Variants in RAD54B observed in about 807,000 individuals in gnomAD.
RAD54B encodes DNA repair and recombination protein RAD54B.
RAD54B carries 78 observed loss-of-function variants against 95.8 expected under a neutral mutation model. That is an observed-to-expected ratio of 0.81 (90% confidence interval 0.68 to 0.98). The LOEUF (loss-of-function observed/expected upper bound fraction) is 0.98. RAD54B is among the 50% of genes least tolerant of loss of function. RAD54B has a pLI of 0.00. For missense variants in RAD54B, 957 were observed against 1,056.6 expected (o/e 0.91, Z 1.31); for synonymous variants, 328 against 354.9 (o/e 0.92, Z 0.85).
chr8:94,416,695 C>T (rs1387669138), intron 3 of RAD54B, among the ~76,000 whole-genome samples: 1 of 152,082 alleles, frequency 6.6e-6, no homozygotes, highest in Non-Finnish European at 1.5e-5. Context: ...CACTTCACAA[C>T]CATTAGGATG....
At chr8:94,396,208 C>T (rs1811140473) in intron 8 of RAD54B, among the ~76,000 whole-genome samples, 1 of 151,654 alleles carries the variant, frequency 6.6e-6, no homozygotes, top group African/African-American at 2.4e-5. Context: ...TTTAGATCCC[C>T]ATTTGCTATT....
chr8:94,407,225 C>T (rs1811412014), intron 5 of RAD54B, among the ~76,000 whole-genome samples: 1 of 152,028 alleles, frequency 6.6e-6, no homozygotes, highest in Non-Finnish European at 1.5e-5. Flanking sequence ...ATTTTTATTA[C>T]TGTATTCTTA....
intron 10 of RAD54B, among the ~76,000 whole-genome samples, chr8:94,389,770 G>A (rs1810971618): frequency 6.6e-6 from 1 of 152,164 alleles, no homozygotes. Context: ...TTGCTATGAA[G>A]TTAGAGAAAA....
chr8:94,439,880 T>TATA, intron 3 of RAD54B, among the ~76,000 whole-genome samples: 1 of 152,262 alleles, frequency 6.6e-6, no homozygotes, highest in South Asian at 2.1e-4. Context: ...TTGTATATTG[T>TATA]TTATTATCAG....
chr8:94,376,580 T>A (rs1286760432), intron 14 of RAD54B, among the ~76,000 whole-genome samples: 2 of 151,208 alleles, frequency 1.3e-5, no homozygotes, highest in African/African-American at 2.4e-5. Flanking sequence ...TATTTTTAAT[T>A]ACCAAAATGG....
At chr8:94,404,387 G>T in intron 5 of RAD54B, 148 bp from the exon 6 acceptor site, 1 of 604,468 alleles carries the variant, frequency 1.7e-6, no homozygotes, top group Non-Finnish European at 2.6e-6. Flanking sequence ...TTACCCAAGG[G>T]CACAAAATTT....
intron 6 of RAD54B, among the ~76,000 whole-genome samples, chr8:94,403,771 T>A (rs1811317013): frequency 6.6e-6 from 1 of 152,184 alleles, no homozygotes; most frequent in South Asian, 2.1e-4. Flanking sequence ...AAGCTTTTAT[T>A]ATACCACATT....
At position 94,432,018 on chromosome 8, in the gene RAD54B, T is replaced by A. The variant is rs1448763153; in HGVS notation, c.305-20703A>T. 6 of 1,374,002 alleles carry A rather than the reference T, an allele frequency of 4.4e-6. No individual in the cohort carries two copies. The African/African-American group carries it at 7.3e-5, about 17-fold the overall frequency. 85.1% of individuals were successfully genotyped at this position (1,374,002 alleles called of 1,614,324 possible). A position where few individuals can be genotyped will look rare whatever the true frequency, so the allele number is the denominator to read the frequency against. Reference sequence around the variant, plus strand: ...AAATTATATCTAAAAAGTTTTTCCATAATAGAGATTAACAACATTTTTCAA... The same window carrying A: ...AAATTATATCTAAAAAGTTTTTCCAAAATAGAGATTAACAACATTTTTCAA... On this transcript the variant is annotated intron_variant, in intron 3 of 14. Coordinates refer to ENST00000336148, the MANE Select transcript of RAD54B (RefSeq NM_012415.3).
At position 94,407,740 on chromosome 8, in the gene RAD54B, A is replaced by T. The variant is rs753720980; in HGVS notation, c.500-20T>A. On this transcript the variant is annotated intron_variant, in intron 4 of 14. Coordinates refer to ENST00000336148, the MANE Select transcript of RAD54B (RefSeq NM_012415.3). Reference sequence around the variant, plus strand: ...CAATGCCTTTAAGTTAAGAAAGAAAAAAATTAATTGACACTCTATGATACC... The same window carrying T: ...CAATGCCTTTAAGTTAAGAAAGAAATAAATTAATTGACACTCTATGATACC... 1.3e-6 allele frequency: 2 copies of T among 1,594,958 alleles called. No individual in the cohort carries two copies. Among genetic ancestry groups the T allele is most frequent in the Non-Finnish European group, 8.6e-7 (1 of 1,168,768 alleles).
At chr8:94,465,706 C>T (rs995384931) in intron 2 of RAD54B, among the ~76,000 whole-genome samples, 7 of 152,072 alleles carry the variant, frequency 4.6e-5, no homozygotes, top group Non-Finnish European at 7.4e-5. Flanking sequence ...AACTTGGATG[C>T]CAATGTTCAC....
chr8:94,428,544 G>T, intron 3 of RAD54B: 1 of 251,534 alleles, frequency 4.0e-6, no homozygotes, highest in Non-Finnish European at 6.3e-6. Context: ...TATGTAAATA[G>T]TTGTTAGGAT....
intron 10 of RAD54B, among the ~76,000 whole-genome samples, chr8:94,388,192 C>T (rs756351706): frequency 6.6e-5 from 10 of 152,138 alleles, no homozygotes; most frequent in Non-Finnish European, 1.0e-4. Context: ...TGCAGATTTT[C>T]TCCCATCTCT....
At chr8:94,461,356 G>A (rs71532317) in intron 2 of RAD54B, among the ~76,000 whole-genome samples, 1 of 150,586 alleles carries the variant, frequency 6.6e-6, no homozygotes, top group Non-Finnish European at 1.5e-5. Flanking sequence ...ATTTTTAGTA[G>A]AGACGGGGTT....
chr8:94,471,718 T>C (rs1204526693), intron 1 of RAD54B, among the ~76,000 whole-genome samples: 1 of 152,100 alleles, frequency 6.6e-6, no homozygotes, highest in Non-Finnish European at 1.5e-5. Flanking sequence ...TTCTGAGTTA[T>C]TTTCTGTATA....
At position 94,431,842 on chromosome 8, in the gene RAD54B, T is replaced by C. The variant is rs553970554; in HGVS notation, c.305-20527A>G. Reference sequence around the variant, plus strand: ...AGAACTTTGAAAGAATATGTGTTTGTATATGCATTTGTGTATATCTTAGTG... The same window carrying C: ...AGAACTTTGAAAGAATATGTGTTTGCATATGCATTTGTGTATATCTTAGTG... On this transcript the variant is annotated intron_variant, in intron 3 of 14. Coordinates refer to ENST00000336148, the MANE Select transcript of RAD54B (RefSeq NM_012415.3). 3.3e-3 allele frequency: 3,528 copies of C among 1,061,630 alleles called. 5 individuals carry two copies. The highest frequency in any genetic ancestry group is 3.8e-3 in the Non-Finnish European group (3,330 of 873,954). 65.8% of individuals were successfully genotyped at this position (1,061,630 alleles called of 1,614,324 possible).
intron 3 of RAD54B, among the ~76,000 whole-genome samples, chr8:94,448,936 A>C (rs1274397085): frequency 1.3e-5 from 2 of 152,152 alleles, no homozygotes; most frequent in East Asian, 3.9e-4. Flanking sequence ...CTGGTCACAC[A>C]CAAAAAACAG....
chr8:94,435,506 T>C (rs1812230850), intron 3 of RAD54B, among the ~76,000 whole-genome samples: 1 of 152,098 alleles, frequency 6.6e-6, no homozygotes, highest in Non-Finnish European at 1.5e-5. Flanking sequence ...TGTGTAAAGC[T>C]TTGTTTGAAA....
intron 6 of RAD54B, among the ~76,000 whole-genome samples, chr8:94,403,231 G>A (rs1224759939): frequency 6.6e-6 from 1 of 152,170 alleles, no homozygotes; most frequent in Non-Finnish European, 1.5e-5. Flanking sequence ...TGGAAGAAAT[G>A]TTAGCAGGGG....
rs527537536 is a variant in RAD54B, at chr8:94,404,795, A to G, written c.782-556T>C. ...TTATTTGCTTGAAGTTAATTACTAC[A>G]TTCATGAATGTCAAGTTCATAAAGC... On this transcript the variant is annotated intron_variant, in intron 5 of 14. Coordinates refer to ENST00000336148, the MANE Select transcript of RAD54B (RefSeq NM_012415.3). 5.0e-4 allele frequency among the ~76,000 whole-genome samples: 76 copies of G among 152,226 alleles called. 1 individual carries two copies. Among genetic ancestry groups the G allele is most frequent in the Admixed American group, 9.2e-4 (14 of 15,290 alleles).
Sources: gnomAD v4.1 joint callset for allele counts (sites outside exome capture counted in the v4.1 genomes callset) on GRCh38, gnomAD v4.1.1 for gene constraint, MANE v1.5 for transcripts, NCBI Gene and HGNC (gene_info 2026-07-23, HGNC 2026-07-21) for gene names.